ZNF600: variants seen among roughly 807,000 people sequenced by gnomAD.
ZNF600 encodes zinc finger protein KR-ZNF1.
ZNF600 carries 4 observed loss-of-function variants against 7.3 expected under a neutral mutation model. That is an observed-to-expected ratio of 0.55 (90% CI 0.27 to 1.25). ZNF600 has a LOEUF of 1.25. Among genes scored for constraint, ZNF600 ranks in the 50% most tolerant of loss-of-function variants. The pLI is 0.12. For synonymous variants in ZNF600, 290 were observed against 308.9 expected (o/e 0.94, Z 0.64); for missense variants, 911 against 922.1 (o/e 0.99, Z 0.16).
At chr19:52,770,936 C>T (rs545007802) in intron 3 of ZNF600, among the ~76,000 whole-genome samples, 1 of 152,008 alleles carries the variant, frequency 6.6e-6, no homozygotes, top group African/African-American at 2.4e-5. Flanking sequence ...CAGGTTCAAG[C>T]GATTCTCCTG....
At chr19:52,815,440 C>A in the ZNF600 span, among the ~76,000 whole-genome samples, 1 of 145,462 alleles carries the variant, frequency 6.9e-6, no homozygotes. Context: ...ACACTTGAAC[C>A]CGGGAGGTAG....
chr19:52,765,463 T>G, exon 4 of ZNF600: 1 of 1,394,642 alleles, frequency 7.2e-7, no homozygotes, highest in Non-Finnish European at 1.0e-6. Context: ...TGAACTGCAA[T>G]GTATGAATGA....
chr19:52,817,148 G>A, the ZNF600 span, among the ~76,000 whole-genome samples: 11 of 152,148 alleles, frequency 7.2e-5, no homozygotes, highest in African/African-American at 2.4e-4. Context: ...CAAAGTAGGC[G>A]GATCGCCTGA....
At chr19:52,806,667 T>C in the ZNF600 span, among the ~76,000 whole-genome samples, 42 of 151,442 alleles carry the variant, frequency 2.8e-4, no homozygotes, top group African/African-American at 8.8e-4. Context: ...TTTGGGAATC[T>C]GAGGCAAGTG....
the ZNF600 span, chr19:52,799,983 G>T: frequency 3.1e-6 from 5 of 1,609,032 alleles, no homozygotes; most frequent in Non-Finnish European, 4.2e-6. Flanking sequence ...GATTATAAGC[G>T]ATGATGTCTG....
At chr19:52,796,837 T>C in the ZNF600 span, among the ~76,000 whole-genome samples, 220 of 152,342 alleles carry the variant, frequency 1.4e-3, 1 homozygote, top group African/African-American at 5.1e-3. Flanking sequence ...TTGAGTCTCT[T>C]TTCAAACTGA....
the ZNF600 span, among the ~76,000 whole-genome samples, chr19:52,821,332 T>C: frequency 2.0e-5 from 3 of 151,996 alleles, no homozygotes; most frequent in Non-Finnish European, 2.9e-5. Context: ...AAAAAAGGTT[T>C]TGAGCAGGAA....
the ZNF600 span, chr19:52,798,327 G>A: frequency 3.1e-6 from 1 of 318,848 alleles, no homozygotes; most frequent in East Asian, 9.3e-5. Context: ...ACAGTTTAAT[G>A]TCAATTAATG....
chr19:52,770,415 C>G (rs754306176), intron 3 of ZNF600, among the ~76,000 whole-genome samples: 1 of 152,180 alleles, frequency 6.6e-6, no homozygotes, highest in Non-Finnish European at 1.5e-5. Context: ...GCACTCCAGC[C>G]TGGTTGACAG....
At chr19:52,825,011 T>C in the ZNF600 span, among the ~76,000 whole-genome samples, 65 of 152,060 alleles carry the variant, frequency 4.3e-4, no homozygotes, top group African/African-American at 1.1e-3. Context: ...ATGGGAGGAT[T>C]GCTTGAGCCT....
chr19:52,770,038 C>T (rs1311164667), intron 3 of ZNF600, among the ~76,000 whole-genome samples: 1 of 152,140 alleles, frequency 6.6e-6, no homozygotes. Context: ...AGAAAAAAGC[C>T]ACAACATCTA....
chr19:52,771,753 TAGTCGTG>T (rs1385211152), intron 3 of ZNF600, among the ~76,000 whole-genome samples: 1 of 152,212 alleles, frequency 6.6e-6, no homozygotes, highest in Non-Finnish European at 1.5e-5. Context: ...TTTGGGATTA[TAGTCGTG>T]AGCCATCACG....
At chr19:52,830,504 C>G in the ZNF600 span, among the ~76,000 whole-genome samples, 1 of 151,910 alleles carries the variant, frequency 6.6e-6, no homozygotes, top group South Asian at 2.1e-4. Flanking sequence ...ACAAGGAGAA[C>G]AGAAAGAAGT....
In ZNF600 at chr19:52,778,957, T is replaced by C. The variant is rs189654800; in HGVS notation, c.-19-50A>G. The C allele has an allele frequency of 2.8e-3, 4,205 of 1,526,136 alleles. 14 individuals are homozygous for C. The highest frequency in any genetic ancestry group is 6.2e-3 in the South Asian group (493 of 79,690). The allele number at this position is 1,526,136 out of a possible 1,614,324, so 94.5% of individuals were successfully genotyped here. ...TCTTGTTAGAAATGACTCACTCCCA[T>C]CCTGTGACAAAACCACATGAACAGG... is the stretch of plus-strand genomic sequence containing the variant. On this transcript the variant is annotated intron_variant, in intron 1 of 3. Coordinates refer to ENST00000648973, the Ensembl canonical transcript of ZNF600.
At chr19:52,777,754 G>T (rs529138080) in intron 2 of ZNF600, among the ~76,000 whole-genome samples, 1 of 152,036 alleles carries the variant, frequency 6.6e-6, no homozygotes, top group South Asian at 2.1e-4. Flanking sequence ...GCTTGAAACT[G>T]GGAGATGGAG....
the ZNF600 span, chr19:52,807,919 T>TG: frequency 2.5e-6 from 4 of 1,584,790 alleles, no homozygotes; most frequent in African/African-American, 4.1e-5. Context: ...CGGCTTCCAT[T>TG]TTAGTCAAGT....
At chr19:52,766,108 C>G (rs2062571952) in exon 4 of ZNF600, 12 of 1,613,978 alleles carry the variant, frequency 7.4e-6, no homozygotes, top group Non-Finnish European at 1.0e-5. Context: ...GGTTTCTCAC[C>G]ACTATGAAGT....
the ZNF600 span, among the ~76,000 whole-genome samples, chr19:52,826,712 C>T: frequency 4.0e-5 from 6 of 151,844 alleles, no homozygotes; most frequent in South Asian, 1.3e-3. Context: ...TCTCAAAAAA[C>T]AAACAAACAA....
At chr19:52,783,884 G>A (rs564938130) in intron 1 of ZNF600, among the ~76,000 whole-genome samples, 4 of 152,114 alleles carry the variant, frequency 2.6e-5, no homozygotes, top group Non-Finnish European at 4.4e-5. Context: ...TCTGCCTCCC[G>A]GGTTCAAGTG....
Sources: allele counts gnomAD v4.1 joint callset (sites outside exome capture counted in the v4.1 genomes callset), GRCh38; gene constraint gnomAD v4.1.1; transcripts MANE v1.5; gene names NCBI Gene and HGNC (gene_info 2026-07-23, HGNC 2026-07-21).